PDGFRA: variants seen among roughly 807,000 people sequenced by gnomAD.
PDGFRA encodes the protein platelet-derived growth factor receptor alpha.
PDGFRA carries 25 observed loss-of-function variants against 121.5 expected under a neutral mutation model. The ratio of observed to expected loss-of-function variants is 0.21; its 90% CI spans 0.15 to 0.29. The LOEUF (loss-of-function observed/expected upper bound fraction) is 0.29, where lower values mean the gene tolerates loss of function less well. PDGFRA is among the 10% of genes least tolerant of loss of function. The pLI is 1.00. For missense variants in PDGFRA, 1,008 were observed against 1,345.1 expected, an observed-to-expected ratio of 0.75 and a Z score of 3.92; for synonymous variants, 463 against 494.8, an observed-to-expected ratio of 0.94 and a Z score of 0.85.
At chr4:54,253,648 G>T (rs775869578) in intron 1 of PDGFRA, among the ~76,000 whole-genome samples, 3 of 152,096 alleles carry the variant, frequency 2.0e-5, no homozygotes, top group African/African-American at 7.2e-5. Context: ...GAAATCCATT[G>T]TTCTTTTCTG....
chr4:54,267,260 A>T, intron 5 of PDGFRA, 29 bp from the exon 6 acceptor site: 1 of 1,613,054 alleles, frequency 6.2e-7, no homozygotes, highest in Non-Finnish European at 8.5e-7. Flanking sequence ...AGCTTTTTAA[A>T]AGTCGGTTTT....
intron 10 of PDGFRA, among the ~76,000 whole-genome samples, chr4:54,274,185 TA>T (rs1237828633): frequency 1.3e-5 from 2 of 152,222 alleles, no homozygotes; most frequent in Non-Finnish European, 2.9e-5. Context: ...AGCTTTATAA[TA>T]AAGCATATGA....
intron 21 of PDGFRA, among the ~76,000 whole-genome samples, chr4:54,289,327 AT>A (rs1724515885): frequency 6.6e-6 from 1 of 152,154 alleles, no homozygotes; most frequent in Non-Finnish European, 1.5e-5. Context: ...TTCATCTTAT[AT>A]GTACAGTACC....
At chr4:54,293,787 A>G (rs900754557) in intron 22 of PDGFRA, among the ~76,000 whole-genome samples, 13 of 152,222 alleles carry the variant, frequency 8.5e-5, no homozygotes, top group African/African-American at 2.9e-4. Flanking sequence ...ACTGAGAATC[A>G]CTGGCTGACG....
At chr4:54,231,701 G>C (rs1560442422) in intron 1 of PDGFRA, among the ~76,000 whole-genome samples, 1 of 152,254 alleles carries the variant, frequency 6.6e-6, no homozygotes, top group African/African-American at 2.4e-5. Flanking sequence ...GCCCTGCTTC[G>C]GAGCTTGCAG....
intron 16 of PDGFRA, among the ~76,000 whole-genome samples, chr4:54,284,142 C>G (rs1304804578): frequency 6.6e-6 from 1 of 152,164 alleles, no homozygotes; most frequent in East Asian, 1.9e-4. Context: ...CTCCAGTTCC[C>G]AATAAGTTCT....
chr4:54,268,736 A>C (rs1723173030), intron 7 of PDGFRA, among the ~76,000 whole-genome samples: 1 of 152,212 alleles, frequency 6.6e-6, no homozygotes. Context: ...TGTTGACACA[A>C]AATGAAGGTG....
In PDGFRA at chr4:54,240,874, A is replaced by G. The variant is rs149744026; in HGVS notation, c.-13+11459A>G. On this transcript the variant is annotated intron_variant, in intron 1 of 22. Coordinates refer to ENST00000257290, the MANE Select transcript of PDGFRA (RefSeq NM_006206.6). ...TAAAATAGTGCGTTTGCGTTCCTAC[A>G]TTATGGCTAGAGCTCAAAGATAAAA... 1.6e-4 allele frequency among the ~76,000 whole-genome samples: 25 copies of G among 152,374 alleles called. No individual in the cohort carries two copies. The East Asian group carries it at 4.6e-3, about 28-fold the overall frequency.
At chr4:54,277,525 C>T (rs552546779) in intron 13 of PDGFRA, 33 bp downstream of exon 13, 19 of 1,455,298 alleles carry the variant, frequency 1.3e-5, no homozygotes, top group African/African-American at 4.2e-5. Context: ...TTTTTGAGCA[C>T]GGGGATTTTT....
In PDGFRA at chr4:54,295,380, T is replaced by G; in HGVS notation, c.*108T>G. 1 of 1,108,432 alleles carries G rather than the reference T, an allele frequency of 9.0e-7. No individual in the cohort carries two copies. Among genetic ancestry groups the G allele is most frequent in the East Asian group, 2.4e-5 (1 of 42,254 alleles). The allele number at this position is 1,108,432 out of a possible 1,614,324, so 68.7% of individuals were successfully genotyped here. On this transcript the variant is annotated 3_prime_UTR_variant, in exon 23 of 23. Transcript: ENST00000257290. ...TTGAGAGGAGGACTTGGTTGATGTT[T>G]AAAGAGAAGTTCCCAGCCAAGGGCC...
chr4:54,239,337 C>T (rs905412702), intron 1 of PDGFRA, among the ~76,000 whole-genome samples: 5 of 152,208 alleles, frequency 3.3e-5, no homozygotes, highest in African/African-American at 1.2e-4. Context: ...GTTGCTGTGC[C>T]CATGGAGTAG....
At chr4:54,271,386 G>T (rs1365192544) in intron 8 of PDGFRA, among the ~76,000 whole-genome samples, 1 of 152,176 alleles carries the variant, frequency 6.6e-6, no homozygotes, top group African/African-American at 2.4e-5. Flanking sequence ...ATTTAGAAAA[G>T]AATCTTTAAA....
chr4:54,242,659 G>A (rs1721373177), intron 1 of PDGFRA, among the ~76,000 whole-genome samples: 1 of 151,604 alleles, frequency 6.6e-6, no homozygotes, highest in Non-Finnish European at 1.5e-5. Context: ...TGTTTTGTGT[G>A]TTTGTTGTTT....
rs1398554820 is a variant in PDGFRA, at chr4:54,267,286, T to C, written c.760-3T>C. ...AGTCGGTTTTCTTCCCCTTTTGCTG[T>C]AGAAAGGCAAAGGCATCACAATGCT... On this transcript the variant is annotated splice_region_variant and splice_polypyrimidine_tract_variant and intron_variant, in intron 5 of 22. Coordinates refer to ENST00000257290, the MANE Select transcript of PDGFRA (RefSeq NM_006206.6). 6.2e-7 allele frequency: 1 copy of C among 1,614,100 alleles called. No homozygotes were observed. Among genetic ancestry groups the C allele is most frequent in the South Asian group, 1.1e-5 (1 of 91,086 alleles).
chr4:54,272,559 A>G, intron 9 of PDGFRA, 39 bp downstream of exon 9: 2 of 1,605,632 alleles, frequency 1.2e-6, no homozygotes. Context: ...TCGTGGTCAG[A>G]ATATTTCTCC....
chr4:54,243,637 T>C (rs2110195101), intron 1 of PDGFRA: 1 of 152,610 alleles, frequency 6.6e-6, no homozygotes, highest in Non-Finnish European at 1.5e-5. Context: ...GCATCAGCGA[T>C]GCAGAAGATG....
intron 12 of PDGFRA, among the ~76,000 whole-genome samples, chr4:54,275,829 C>G (rs1216305531): frequency 6.6e-6 from 1 of 152,196 alleles, no homozygotes; most frequent in Non-Finnish European, 1.5e-5. Flanking sequence ...TTTGCTTTAG[C>G]CTCCAAGTTG....
intron 18 of PDGFRA, among the ~76,000 whole-genome samples, chr4:54,286,747 A>G (rs577653742): frequency 6.6e-6 from 1 of 152,216 alleles, no homozygotes; most frequent in South Asian, 2.1e-4. Context: ...CTTTTATCAG[A>G]TTTTCAAAAG....
chr4:54,268,845 C>T (rs1192345145), intron 7 of PDGFRA, among the ~76,000 whole-genome samples: 2 of 152,188 alleles, frequency 1.3e-5, no homozygotes, highest in African/African-American at 2.4e-5. Context: ...ACCTCCAACA[C>T]GTGTGTGAGC....
Sources: allele counts gnomAD v4.1 joint callset (sites outside exome capture counted in the v4.1 genomes callset), GRCh38; gene constraint gnomAD v4.1.1; transcripts MANE v1.5; gene names NCBI Gene and HGNC (gene_info 2026-07-23, HGNC 2026-07-21).